NBEAL1: variants seen among roughly 807,000 people sequenced by gnomAD.
NBEAL1 encodes the protein neurobeachin-like protein 1.
In NBEAL1, 273 loss-of-function variants were observed where a neutral mutation model predicts 351.3. That is an observed-to-expected ratio of 0.78 (90% CI 0.70 to 0.86). The LOEUF is 0.86. Among genes scored for constraint, NBEAL1 ranks in the 40% least tolerant of loss-of-function variants. The pLI, the probability that NBEAL1 is intolerant of heterozygous loss-of-function variation, is 0.00. For missense variants in NBEAL1, 2,961 were observed against 3,201.3 expected (o/e 0.92, Z 1.81); for synonymous variants, 1,050 against 1,086.4 (o/e 0.97, Z 0.66).
intron 2 of NBEAL1, among the ~76,000 whole-genome samples, chr2:203,028,958 T>C (rs551546531): frequency 2.6e-5 from 4 of 152,086 alleles, no homozygotes; most frequent in Non-Finnish European, 5.9e-5. Context: ...TGCGCCCTTT[T>C]GATAACTCGA....
At chr2:203,113,909 C>T (rs950991691) in intron 17 of NBEAL1, among the ~76,000 whole-genome samples, 3 of 151,568 alleles carry the variant, frequency 2.0e-5, no homozygotes, top group Admixed American at 6.6e-5. Flanking sequence ...GCAAGCTCCG[C>T]CTCCCAGGTT....
chr2:203,095,683 A>C (rs979072029), intron 10 of NBEAL1, among the ~76,000 whole-genome samples: 1 of 152,164 alleles, frequency 6.6e-6, no homozygotes, highest in Non-Finnish European at 1.5e-5. Context: ...TTATCTGACT[A>C]TTTGTTTCCC....
At chr2:203,026,622 C>A (rs759129775) in intron 2 of NBEAL1, among the ~76,000 whole-genome samples, 3 of 151,594 alleles carry the variant, frequency 2.0e-5, no homozygotes, top group Non-Finnish European at 4.4e-5. Context: ...TCAAGCAATT[C>A]TCCTGCCTCA....
At chr2:203,100,131 C>T (rs889372939) in intron 12 of NBEAL1, among the ~76,000 whole-genome samples, 3 of 152,118 alleles carry the variant, frequency 2.0e-5, no homozygotes, top group Non-Finnish European at 2.9e-5. Context: ...ATATATACTA[C>T]ATTTTCTTTA....
chr2:203,204,200 T>C (rs1271467423), intron 51 of NBEAL1, among the ~76,000 whole-genome samples: 1 of 150,678 alleles, frequency 6.6e-6, no homozygotes, highest in African/African-American at 2.4e-5. Context: ...GTGCTGGGAT[T>C]ACAGGTGTGA....
At chr2:203,092,847 G>A (rs1448090544) in intron 10 of NBEAL1, among the ~76,000 whole-genome samples, 1 of 152,010 alleles carries the variant, frequency 6.6e-6, no homozygotes, top group African/African-American at 2.4e-5. Flanking sequence ...GTAAAGAATA[G>A]CATCAAAATC....
At chr2:203,204,557 C>T (rs943428749) in intron 51 of NBEAL1, among the ~76,000 whole-genome samples, 2 of 151,904 alleles carry the variant, frequency 1.3e-5, no homozygotes, top group South Asian at 2.1e-4. Context: ...AGGCTGGTCT[C>T]GAACTCCTAG....
At chr2:203,054,235 G>C (rs1310917701) in intron 4 of NBEAL1, among the ~76,000 whole-genome samples, 2 of 152,142 alleles carry the variant, frequency 1.3e-5, no homozygotes, top group Admixed American at 1.3e-4. Flanking sequence ...GGACCAGCCT[G>C]GCCAACATGG....
chr2:203,117,500 A>G (rs1212946143), intron 18 of NBEAL1, among the ~76,000 whole-genome samples: 2 of 152,030 alleles, frequency 1.3e-5, no homozygotes, highest in Non-Finnish European at 2.9e-5. Context: ...AAACCAAAAC[A>G]TTTTCTGAGT....
At chr2:203,026,285 AT>A (rs1559315992) in intron 2 of NBEAL1, among the ~76,000 whole-genome samples, 2 of 151,898 alleles carry the variant, frequency 1.3e-5, no homozygotes, top group East Asian at 3.9e-4. Context: ...TACCTTATTC[AT>A]TTTTTTCTAG....
chr2:203,210,362 C>CA (rs35856692), intron 53 of NBEAL1, among the ~76,000 whole-genome samples: 44,137 of 100,278 alleles, frequency 0.44, 8,624 homozygotes, highest in East Asian at 0.62. Context: ...GACATGGCCT[C>CA]AAAAAAAAAA....
chr2:203,024,557 A>G (rs138111597), intron 2 of NBEAL1, among the ~76,000 whole-genome samples: 1,990 of 151,792 alleles, frequency 0.013, 45 homozygotes, highest in African/African-American at 0.044. Flanking sequence ...GTCTCAAAAA[A>G]AAAAAAAGAA....
At chr2:203,144,480 C>T in intron 31 of NBEAL1, 120 bp from the exon 32 acceptor site, 3 of 906,010 alleles carry the variant, frequency 3.3e-6, no homozygotes, top group Non-Finnish European at 5.0e-6. Flanking sequence ...ACATCTGAGA[C>T]CTTTCACAGT....
rs533080763 is a variant in NBEAL1, at chr2:203,064,114, C to T, written c.516-4279C>T. On this transcript the variant is annotated intron_variant, in intron 6 of 55. Transcript: ENST00000683969. ...TGTTGCCCAGGCTGGAGTACAGTAC[C>T]GTGATCTTGGCTCACTGCAACCTCC... 4.2e-4 allele frequency among the ~76,000 whole-genome samples: 64 copies of T among 152,136 alleles called. 2 individuals are homozygous for T. In the South Asian group the frequency reaches 0.012, roughly 30 times the overall value.
Position 203,049,816 on chromosome 2 carries a change from TAG to T in NBEAL1, c.148_149del (p.Asp50Ter). On this transcript the variant is annotated frameshift_variant, in exon 4 of 56. Transcript: ENST00000683969. LOFTEE classifies it high-confidence loss of function. ...ATTTTTTTCCCTTTCTGTTGTAGGG[TAG>T]ATGATATGCCTCCAGGAATATCTCT... is the stretch of plus-strand genomic sequence containing the variant. 6.5e-7 allele frequency: 1 copy of T among 1,549,294 alleles called. No homozygotes were observed. The highest frequency in any genetic ancestry group is 8.7e-7 in the Non-Finnish European group (1 of 1,145,012).
At position 203,188,575 on chromosome 2, in the gene NBEAL1, A is replaced by G. The variant is rs1559049640; in HGVS notation, c.6809A>G (p.Tyr2270Cys). 6.3e-7 allele frequency: 1 copy of G among 1,591,576 alleles called. No individual in the cohort carries two copies. The highest frequency in any genetic ancestry group is 1.1e-5 in the South Asian group (1 of 88,734). Residue 2270 changes from tyrosine to cysteine, a missense_variant, in exon 45 of 56, where the codon TAT becomes TGT. Transcript: ENST00000683969. ...AAVEALNVFY[Y>C]CSYEGAVDLD... ...GTAGAGGCACTCAACGTTTTCTATT[A>G]TTGTAGTTATGAAGGTATAAATCTA...
In NBEAL1 at chr2:203,126,617, G is replaced by T; in HGVS notation, c.3046G>T (p.Val1016Leu). The T allele has an allele frequency of 6.5e-7, 1 of 1,527,068 alleles. No individual in the cohort carries two copies. The highest frequency in any genetic ancestry group is 2.4e-5 in the East Asian group (1 of 41,956). The allele number at this position is 1,527,068 out of a possible 1,614,324, so 94.6% of individuals were successfully genotyped here. A position where few individuals can be genotyped will look rare whatever the true frequency, so the allele number is the denominator to read the frequency against. ...LMAVQLLIEQVSLEKNMQLLQ... is the reference protein window; with the variant it reads ...LMAVQLLIEQLSLEKNMQLLQ... ...GGCAGTTCAGTTACTAATTGAACAAGTATCATTAGAGAAAAATATGCAGCT... is the reference window on the plus strand; with the variant it reads ...GGCAGTTCAGTTACTAATTGAACAATTATCATTAGAGAAAAATATGCAGCT... The change falls in exon 22 of 56, where the codon GTA becomes TTA. Residue 1016 changes from valine to leucine, a missense_variant. Transcript: ENST00000683969.
chr2:203,108,864 T>G (rs1469117727), intron 14 of NBEAL1, among the ~76,000 whole-genome samples: 1 of 151,692 alleles, frequency 6.6e-6, no homozygotes. Flanking sequence ...CTGGGCAACA[T>G]GGCAAAACCT....
chr2:203,189,965 G>A (rs962910483), intron 45 of NBEAL1, among the ~76,000 whole-genome samples: 3 of 151,604 alleles, frequency 2.0e-5, no homozygotes, highest in Non-Finnish European at 4.4e-5. Context: ...GTGAAACCCC[G>A]TCTCTACTAA....
Sources: allele counts gnomAD v4.1 joint callset (sites outside exome capture counted in the v4.1 genomes callset), GRCh38; gene constraint gnomAD v4.1.1; transcripts MANE v1.5; gene names NCBI Gene and HGNC (gene_info 2026-07-23, HGNC 2026-07-21).